Variants in RGS7BP observed in about 807,000 individuals in gnomAD.
RGS7BP encodes the protein regulator of G protein signaling 7 binding protein, also known as regulator of G protein signaling 7-binding protein.
Under a neutral mutation model 31.3 loss-of-function variants are expected in RGS7BP, and 9 were observed. The observed-to-expected ratio is 0.29, with a 90% CI of 0.17 to 0.50. The LOEUF is 0.50. Ranked by LOEUF, RGS7BP falls within the 20% of genes least tolerant of loss-of-function variation. RGS7BP has a pLI of 0.98. For synonymous variants in RGS7BP, 115 were observed against 120.1 expected, an observed-to-expected ratio of 0.96 and a Z score of 0.28; for missense variants, 274 against 322.0, an observed-to-expected ratio of 0.85 and a Z score of 1.14.
chr5:64,551,511 C>T (rs1333052370), intron 2 of RGS7BP, among the ~76,000 whole-genome samples: 1 of 151,714 alleles, frequency 6.6e-6, no homozygotes, highest in African/African-American at 2.4e-5. Flanking sequence ...CATCAGCCGG[C>T]CTTAGCCTCC....
At chr5:64,548,851 C>CTT (rs555751491) in intron 2 of RGS7BP, among the ~76,000 whole-genome samples, 11 of 137,496 alleles carry the variant, frequency 8.0e-5, no homozygotes, top group Admixed American at 1.5e-4. Context: ...AAGCCCTTTC[C>CTT]TTTTTTTTTT....
At chr5:64,533,428 C>T (rs1749422866) in intron 2 of RGS7BP, among the ~76,000 whole-genome samples, 1 of 152,186 alleles carries the variant, frequency 6.6e-6, no homozygotes, top group Non-Finnish European at 1.5e-5. Flanking sequence ...TCTCCCAGAA[C>T]ACGAGTTCTT....
At chr5:64,540,007 A>G in intron 2 of RGS7BP, among the ~76,000 whole-genome samples, 1 of 152,258 alleles carries the variant, frequency 6.6e-6, no homozygotes, top group East Asian at 1.9e-4. Flanking sequence ...ATCTAGTTTT[A>G]ATGAAGATTC....
intron 2 of RGS7BP, among the ~76,000 whole-genome samples, chr5:64,568,516 A>G (rs1420333228): frequency 6.6e-6 from 1 of 152,154 alleles, no homozygotes; most frequent in Admixed American, 6.6e-5. Context: ...GCCAATAAGC[A>G]TGAGTTCTTG....
chr5:64,560,554 T>C (rs1742029156), intron 2 of RGS7BP, among the ~76,000 whole-genome samples: 1 of 150,892 alleles, frequency 6.6e-6, no homozygotes, highest in Non-Finnish European at 1.5e-5. Flanking sequence ...TATATATATA[T>C]ATATATATAA....
rs1554055931 is a variant in RGS7BP, at chr5:64,556,417, C to CCCCA, written c.333-19356_333-19355insCCAC. 2.1e-3 allele frequency among the ~76,000 whole-genome samples: 261 copies of CCCCA among 125,426 alleles called. 5 individuals carry two copies. Among genetic ancestry groups the CCCCA allele is most frequent in the African/African-American group, 7.4e-3 (249 of 33,438 alleles). 82.3% of individuals were successfully genotyped at this position (125,426 alleles called of 152,430 possible). Reference sequence around the variant, plus strand: ...AAAAAAAAAAAGCAATCTTCCCCAGCCACACACACACACACACACACACAC... The same window carrying CCCCA: ...AAAAAAAAAAAGCAATCTTCCCCAGCCCCACACACACACACACACACACACACAC... On this transcript the variant is annotated intron_variant, in intron 2 of 5. Transcript: ENST00000334025.
intron 5 of RGS7BP, among the ~76,000 whole-genome samples, chr5:64,605,102 C>CT (rs370732416): frequency 3.3e-4 from 49 of 147,090 alleles, no homozygotes; most frequent in South Asian, 1.3e-3. Context: ...TATTCTCCCT[C>CT]TTTTTTTTTT....
At chr5:64,523,440 A>G (rs2111904611) in intron 2 of RGS7BP, among the ~76,000 whole-genome samples, 1 of 152,356 alleles carries the variant, frequency 6.6e-6, no homozygotes, top group East Asian at 1.9e-4. Context: ...TTTGCTGACT[A>G]AAAGTGGCTC....
rs140046785 is a variant in RGS7BP, at chr5:64,603,948, T to A, written c.683-5213T>A. Among the ~76,000 whole-genome samples the A allele has an allele frequency of 7.1e-3, 1,078 of 152,234 alleles. 5 individuals carry two copies. Among genetic ancestry groups the A allele is most frequent in the African/African-American group, 0.024 (984 of 41,552 alleles). On this transcript the variant is annotated intron_variant, in intron 5 of 5. Transcript: ENST00000334025. ...AGAAAAGACTGCAGGAAAAAAAATG[T>A]TTAAGCTAATCTTTGAAGAAGGGCT...
intron 2 of RGS7BP, among the ~76,000 whole-genome samples, chr5:64,509,575 G>C (rs1440801358): frequency 1.3e-5 from 2 of 151,972 alleles, no homozygotes; most frequent in African/African-American, 4.8e-5. Flanking sequence ...TCTTTGAGAG[G>C]TATTATAGCT....
At chr5:64,548,667 T>C (rs986761481) in intron 2 of RGS7BP, among the ~76,000 whole-genome samples, 1 of 151,984 alleles carries the variant, frequency 6.6e-6, no homozygotes, top group East Asian at 1.9e-4. Flanking sequence ...CCACTACATC[T>C]GGCTAATTTT....
intron 2 of RGS7BP, among the ~76,000 whole-genome samples, chr5:64,538,194 A>AT (rs1741421855): frequency 6.6e-6 from 1 of 152,074 alleles, no homozygotes; most frequent in Non-Finnish European, 1.5e-5. Context: ...TGTCTCCCTA[A>AT]TTTTAAAAAT....
At chr5:64,557,507 G>A (rs538762443) in intron 2 of RGS7BP, among the ~76,000 whole-genome samples, 1 of 152,212 alleles carries the variant, frequency 6.6e-6, no homozygotes, top group South Asian at 2.1e-4. Flanking sequence ...TTTTTGCTGA[G>A]ACTTCAGGTC....
At chr5:64,512,994 G>T (rs1748880133) in intron 2 of RGS7BP, among the ~76,000 whole-genome samples, 1 of 152,190 alleles carries the variant, frequency 6.6e-6, no homozygotes, top group Non-Finnish European at 1.5e-5. Context: ...ACGCCAAAAT[G>T]ACAGTGTTAC....
intron 3 of RGS7BP, among the ~76,000 whole-genome samples, chr5:64,586,463 T>C (rs12513567): frequency 0.34 from 52,433 of 152,094 alleles, 9,322 homozygotes; most frequent in South Asian, 0.4. Flanking sequence ...TTCACTTGGC[T>C]CATCCCTATA....
chr5:64,511,150 C>T (rs1244984277), intron 2 of RGS7BP, among the ~76,000 whole-genome samples: 1 of 152,176 alleles, frequency 6.6e-6, no homozygotes, highest in Non-Finnish European at 1.5e-5. Flanking sequence ...CCAACTGAAA[C>T]CCTCAAGGAA....
intron 2 of RGS7BP, among the ~76,000 whole-genome samples, chr5:64,535,847 A>C (rs935021897): frequency 4.6e-5 from 7 of 152,252 alleles, no homozygotes; most frequent in South Asian, 2.1e-4. Flanking sequence ...GCAGCTTAAT[A>C]TCAGCTTTGA....
intron 2 of RGS7BP, among the ~76,000 whole-genome samples, chr5:64,552,883 C>T (rs1741829627): frequency 6.6e-6 from 1 of 151,942 alleles, no homozygotes; most frequent in Non-Finnish European, 1.5e-5. Flanking sequence ...TTGCAAAAGC[C>T]CAGATAATTT....
rs1278158223 is a variant in RGS7BP at position 64,506,362 on chromosome 5, CA to C, written c.-262del. ...CCGCGCCAGCGCCCAGCTCCCGGGA[CA>C]GGGTCGGCAATGCTGCTGAGCAGAA... On this transcript the variant is annotated 5_prime_UTR_variant, in exon 1 of 6. It removes the in-frame stop codon of an upstream open reading frame in the 5' UTR. Coordinates refer to ENST00000334025, the MANE Select transcript of RGS7BP (RefSeq NM_001029875.3). The surrounding 1 kb of genome is among the most constrained non-coding windows in gnomAD (Gnocchi z 4.6). 5 of 349,974 alleles carry C rather than the reference CA, an allele frequency of 1.4e-5. No homozygotes were observed. In the South Asian group the frequency reaches 4.2e-4, roughly 29 times the overall value. The allele number at this position is 349,974 out of a possible 1,614,324, so 21.7% of individuals were successfully genotyped here.
Sources: allele counts gnomAD v4.1 joint callset (sites outside exome capture counted in the v4.1 genomes callset), GRCh38; gene constraint gnomAD v4.1.1; non-coding constraint Gnocchi (gnomAD v3.1); transcripts MANE v1.5; gene names NCBI Gene and HGNC (gene_info 2026-07-23, HGNC 2026-07-21).